CNTN5: variants seen among roughly 807,000 people sequenced by gnomAD.
CNTN5 encodes the protein contactin 5.
In CNTN5, 77 loss-of-function variants were observed where a neutral mutation model predicts 129.1. That is an observed-to-expected ratio of 0.60 (90% CI 0.50 to 0.72). The LOEUF (loss-of-function observed/expected upper bound fraction) is 0.72, where lower values mean the gene tolerates loss of function less well. Among genes scored for constraint, CNTN5 ranks in the 30% least tolerant of loss-of-function variants. CNTN5 has a pLI of 0.00. For synonymous variants in CNTN5, 509 were observed against 465.6 expected (o/e 1.09, Z -1.20); for missense variants, 1,478 against 1,328.8 (o/e 1.11, Z -1.75).
chr11:99,163,211 A>C (rs995115119), intron 1 of CNTN5, among the ~76,000 whole-genome samples: 4 of 152,280 alleles, frequency 2.6e-5, no homozygotes, highest in Non-Finnish European at 4.4e-5. Flanking sequence ...ATTAGGTCAC[A>C]TTCCTTTAAT....
chr11:100,024,118 A>T (rs551501747), intron 9 of CNTN5, among the ~76,000 whole-genome samples: 1 of 152,148 alleles, frequency 6.6e-6, no homozygotes, highest in Non-Finnish European at 1.5e-5. Context: ...ATGTCAAGGG[A>T]GAGACCAGGT....
At chr11:100,172,411 A>T (rs1947852768) in intron 13 of CNTN5, among the ~76,000 whole-genome samples, 1 of 152,092 alleles carries the variant, frequency 6.6e-6, no homozygotes, top group African/African-American at 2.4e-5. Flanking sequence ...TTCCTCAAGT[A>T]AATTTCAGTC....
At chr11:99,795,640 G>T (rs1945907676) in intron 3 of CNTN5, among the ~76,000 whole-genome samples, 1 of 134,678 alleles carries the variant, frequency 7.4e-6, no homozygotes, top group Non-Finnish European at 1.6e-5. Context: ...CATAGACATT[G>T]TTACCCTTTG....
chr11:99,715,769 C>G (rs12285863), intron 3 of CNTN5, among the ~76,000 whole-genome samples: 2 of 151,808 alleles, frequency 1.3e-5, no homozygotes, highest in Non-Finnish European at 2.9e-5. Flanking sequence ...AATAGATATA[C>G]TTGACTCATG....
Position 99,526,091 on chromosome 11 carries a change from CT to C in CNTN5, c.-70-30051del, listed in dbSNP as rs565018876. On this transcript the variant is annotated intron_variant, in intron 2 of 24. Coordinates refer to ENST00000524871, the MANE Select transcript of CNTN5 (RefSeq NM_014361.4). ...TGAGTAAAACAGATACTTTCAGCTC[CT>C]TTAAGCAAAAAACTGTAAGGCTATA... Among the ~76,000 whole-genome samples the C allele has an allele frequency of 2.2e-4, 34 of 152,248 alleles. 1 individual carries two copies. In the South Asian group the frequency reaches 6.6e-3, roughly 30 times the overall value.
At chr11:99,521,790 T>G (rs1455939035) in intron 2 of CNTN5, among the ~76,000 whole-genome samples, 1 of 152,208 alleles carries the variant, frequency 6.6e-6, no homozygotes, top group Non-Finnish European at 1.5e-5. Flanking sequence ...TTCCTCGCAT[T>G]TTGCTTTTGT....
At chr11:100,337,318 C>T in intron 21 of CNTN5, 1 of 946,150 alleles carries the variant, frequency 1.1e-6, no homozygotes, top group East Asian at 2.4e-5. Context: ...TGAATGAGTT[C>T]ACCATACATA....
At chr11:99,312,597 A>G (rs1004260104) in intron 1 of CNTN5, among the ~76,000 whole-genome samples, 20 of 152,154 alleles carry the variant, frequency 1.3e-4, no homozygotes, top group Middle Eastern at 3.2e-3. Flanking sequence ...CAGTCTCTCT[A>G]TGCCAAATTG....
At chr11:99,680,258 GGGACTTTAATAGCTAGAGAGGA>G (rs1953492455) in intron 3 of CNTN5, among the ~76,000 whole-genome samples, 1 of 152,072 alleles carries the variant, frequency 6.6e-6, no homozygotes, top group African/African-American at 2.4e-5. Context: ...GATGCCATCT[GGGACTTTAATAGCTAGAGAGGA>G]GAAATCGATG....
intron 6 of CNTN5, among the ~76,000 whole-genome samples, chr11:99,893,608 A>G (rs949566832): frequency 5.9e-5 from 9 of 152,126 alleles, no homozygotes; most frequent in Non-Finnish European, 1.3e-4. Flanking sequence ...AGGATACTGC[A>G]GGAAGGATGT....
chr11:100,166,073 C>G (rs1681892399), intron 13 of CNTN5, among the ~76,000 whole-genome samples: 1 of 151,718 alleles, frequency 6.6e-6, no homozygotes, highest in Admixed American at 6.6e-5. Flanking sequence ...ATTCAAGTCT[C>G]TGTTACCAGA....
intron 2 of CNTN5, among the ~76,000 whole-genome samples, chr11:99,540,947 G>T (rs564992809): frequency 5.9e-5 from 9 of 152,032 alleles, no homozygotes; most frequent in Non-Finnish European, 1.3e-4. Flanking sequence ...CCCAATGACT[G>T]CCAGTAATAC....
At chr11:99,199,680 A>G (rs1859072720) in intron 1 of CNTN5, among the ~76,000 whole-genome samples, 1 of 152,176 alleles carries the variant, frequency 6.6e-6, no homozygotes, top group Non-Finnish European at 1.5e-5. Context: ...AAAGAAACAC[A>G]CAATGTTTGT....
rs146315828 is a variant in CNTN5 at position 99,240,934 on chromosome 11, T to C, written c.-209-84412T>C. Among the ~76,000 whole-genome samples the C allele has an allele frequency of 3.9e-5, 6 of 152,288 alleles. No individual in the cohort carries two copies. The East Asian group carries it at 1.2e-3, about 29-fold the overall frequency. On this transcript the variant is annotated intron_variant, in intron 1 of 24. Transcript: ENST00000524871. The stretch of plus-strand genomic sequence containing the variant: ...CACTACTGAAAAACAACCTGTGCAA[T>C]ATAGAATAATAAATGTAAGATATAC...
chr11:99,887,879 A>C (rs1371870422), intron 6 of CNTN5, among the ~76,000 whole-genome samples: 1 of 152,196 alleles, frequency 6.6e-6, no homozygotes, highest in African/African-American at 2.4e-5. Flanking sequence ...ACCTAGATTG[A>C]GGGTGGGTCT....
chr11:99,643,015 T>A (rs984644440), intron 3 of CNTN5, among the ~76,000 whole-genome samples: 1 of 152,248 alleles, frequency 6.6e-6, no homozygotes, highest in Admixed American at 6.5e-5. Flanking sequence ...TTAGGTCTAT[T>A]CTGTATCAAC....
intron 3 of CNTN5, among the ~76,000 whole-genome samples, chr11:99,803,442 T>C (rs1157011966): frequency 6.6e-6 from 1 of 152,178 alleles, no homozygotes; most frequent in Admixed American, 6.5e-5. Flanking sequence ...TGACCCAAGC[T>C]CTGGCCCAGG....
At chr11:100,207,511 C>G (rs1285783327) in intron 15 of CNTN5, among the ~76,000 whole-genome samples, 1 of 152,056 alleles carries the variant, frequency 6.6e-6, no homozygotes, top group Non-Finnish European at 1.5e-5. Context: ...TGTTCAAAGA[C>G]ATCTTAAGAA....
chr11:99,428,358 A>G (rs940813697), intron 2 of CNTN5, among the ~76,000 whole-genome samples: 32 of 151,954 alleles, frequency 2.1e-4, no homozygotes, highest in African/African-American at 7.7e-4. Context: ...TCAGGAGTTG[A>G]AGACCAGCCC....
Sources: gnomAD v4.1 joint callset for allele counts (sites outside exome capture counted in the v4.1 genomes callset) on GRCh38, gnomAD v4.1.1 for gene constraint, MANE v1.5 for transcripts, NCBI Gene and HGNC (gene_info 2026-07-23, HGNC 2026-07-21) for gene names.